The following TLK2 variants were observed in gnomAD, a reference collection of about 807,000 sequenced individuals.
The protein encoded by TLK2 is tousled like kinase 2, also known as serine/threonine-protein kinase tousled-like 2.
Under a neutral mutation model 117.3 loss-of-function variants are expected in TLK2, and 6 were observed. That is an observed-to-expected ratio of 0.05 (90% CI 0.03 to 0.10). TLK2 has a LOEUF of 0.10. Among genes scored for constraint, TLK2 ranks in the 10% least tolerant of loss-of-function variants. The probability of loss-of-function intolerance (pLI) is 1.00; values close to 1 mark genes in which losing one functional copy is unlikely to be tolerated. For missense variants in TLK2, 299 were observed against 901.2 expected (o/e 0.33, Z 8.56); for synonymous variants, 257 against 316.7 (o/e 0.81, Z 2.00).
At chr17:62,494,120 G>A (rs1415680268) in intron 2 of TLK2, among the ~76,000 whole-genome samples, 1 of 152,106 alleles carries the variant, frequency 6.6e-6, no homozygotes, top group Non-Finnish European at 1.5e-5. Flanking sequence ...GTCTCACTCT[G>A]TTGCCTAGGC....
At chr17:62,529,419 A>G (rs915665647) in intron 6 of TLK2, among the ~76,000 whole-genome samples, 2 of 152,054 alleles carry the variant, frequency 1.3e-5, no homozygotes, top group African/African-American at 4.8e-5. Context: ...TTGTATTTTT[A>G]GTTGGGTTTT....
At chr17:62,551,941 G>A in intron 7 of TLK2, 1 of 332,862 alleles carries the variant, frequency 3.0e-6, no homozygotes, top group Non-Finnish European at 5.8e-6. Context: ...CATCCCCTGT[G>A]CATTGGATGC....
Position 62,578,552 on chromosome 17 carries a change from A to G in TLK2, c.1264A>G (p.Ile422Val). 2 of 1,613,716 alleles carry G rather than the reference A, an allele frequency of 1.2e-6. No homozygotes were observed. Among genetic ancestry groups the G allele is most frequent in the Non-Finnish European group, 8.5e-7 (1 of 1,179,746 alleles). Residue 422 changes from isoleucine to valine, a missense_variant, in exon 14 of 22, where the codon ATA becomes GTA. Ile to Val is a conservative substitution (Grantham distance 29). Transcript: ENST00000346027. The stretch of plus-strand genomic sequence containing the variant: ...TCTACATATCAGGGAACTAAAAAGG[A>G]TACATAATGAAGATAATTCACAGTA... ...RNLHIRELKR[I>V]HNEDNSQFKD...
rs545551741 is a variant in TLK2 at position 62,578,469 on chromosome 17, C to T, written c.1189-8C>T. On this transcript the variant is annotated splice_region_variant and splice_polypyrimidine_tract_variant and intron_variant, in intron 13 of 21. Transcript: ENST00000346027. Reference sequence around the variant, plus strand: ...TATTTTGTGCTATTTCTTTCCTTTTCGCTTTAGGAGGAAGCAGAGATCCAG... The same window carrying T: ...TATTTTGTGCTATTTCTTTCCTTTTTGCTTTAGGAGGAAGCAGAGATCCAG... 6.8e-6 allele frequency: 11 copies of T among 1,612,378 alleles called. No individual in the cohort carries two copies. The highest frequency in any genetic ancestry group is 4.5e-5 in the East Asian group (2 of 44,818).
intron 9 of TLK2, among the ~76,000 whole-genome samples, chr17:62,559,480 C>A (rs1278805298): frequency 6.6e-6 from 1 of 151,290 alleles, no homozygotes; most frequent in African/African-American, 2.4e-5. Context: ...TGAGTTCAAG[C>A]GATTCTCCCG....
chr17:62,596,256 A>G (rs1382031695), intron 16 of TLK2, among the ~76,000 whole-genome samples: 1 of 151,904 alleles, frequency 6.6e-6, no homozygotes, highest in Non-Finnish European at 1.5e-5. Flanking sequence ...TTATATTTTT[A>G]GTAGAGACGG....
chr17:62,540,927 G>C (rs549399844), intron 7 of TLK2, among the ~76,000 whole-genome samples: 1 of 152,178 alleles, frequency 6.6e-6, no homozygotes, highest in African/African-American at 2.4e-5. Flanking sequence ...ACCCTGACAT[G>C]TTTTACTACC....
intron 2 of TLK2, among the ~76,000 whole-genome samples, chr17:62,512,208 C>T (rs7208051): frequency 0.017 from 2,386 of 143,606 alleles, 57 homozygotes; most frequent in African/African-American, 0.057. Context: ...TTTACATCAC[C>T]CCTCCTTTTT....
At chr17:62,516,601 C>G (rs1037281258) in intron 2 of TLK2, 1 of 1,610,146 alleles carries the variant, frequency 6.2e-7, no homozygotes, top group African/African-American at 1.3e-5. Context: ...TTTCACGTAG[C>G]CTCGGCACTT....
intron 2 of TLK2, among the ~76,000 whole-genome samples, chr17:62,497,088 C>T (rs974253072): frequency 5.9e-5 from 9 of 151,952 alleles, no homozygotes; most frequent in African/African-American, 2.2e-4. Context: ...GAAACCCCAT[C>T]TCTCCAAAAA....
chr17:62,605,241 C>T lies in TLK2; in HGVS notation c.1860-889C>T, dbSNP rs550292815. On this transcript the variant is annotated intron_variant, in intron 19 of 21. Coordinates refer to ENST00000346027, the MANE Select transcript of TLK2 (RefSeq NM_006852.6). ...ACTTGGGTGGCTGAGGCAGGAGAAT[C>T]GCTTGAACCTGGGAGGCAGAGGTTG... Among the ~76,000 whole-genome samples the T allele has an allele frequency of 2.6e-5, 4 of 152,258 alleles. No homozygotes were observed. The East Asian group carries it at 7.7e-4, about 29-fold the overall frequency.
chr17:62,526,547 C>G (rs2076376987), intron 6 of TLK2, among the ~76,000 whole-genome samples: 1 of 152,204 alleles, frequency 6.6e-6, no homozygotes, highest in Non-Finnish European at 1.5e-5. Context: ...CACATGGGGT[C>G]TGGTCTCCCC....
intron 15 of TLK2, among the ~76,000 whole-genome samples, chr17:62,582,946 A>G (rs2081323170): frequency 6.6e-6 from 1 of 152,224 alleles, no homozygotes; most frequent in African/African-American, 2.4e-5. Flanking sequence ...GTGCTATAGC[A>G]TGTGACAAGA....
In TLK2 at chr17:62,606,287, GCA is replaced by G. The variant is rs147744353; in HGVS notation, c.1971+59_1971+60del. ...AGAAGCTTGATCTCTTTCTTGGGTGGCACACACACACACAGTGCCTTGGTATG... is the reference window on the plus strand; with the variant it reads ...AGAAGCTTGATCTCTTTCTTGGGTGGCACACACACACAGTGCCTTGGTATG... On this transcript the variant is annotated intron_variant, in intron 20 of 21. Transcript: ENST00000346027. The G allele has an allele frequency of 5.7e-3, 6,506 of 1,150,270 alleles. 21 individuals are homozygous for G. The highest frequency in any genetic ancestry group is 0.031 in the African/African-American group (2,015 of 65,186). 71.3% of individuals were successfully genotyped at this position (1,150,270 alleles called of 1,614,324 possible).
intron 2 of TLK2, among the ~76,000 whole-genome samples, chr17:62,496,026 A>G (rs2073642507): frequency 6.6e-6 from 1 of 152,114 alleles, no homozygotes; most frequent in Admixed American, 6.6e-5. Context: ...TTTCACAGAT[A>G]TACAGTGAAA....
intron 16 of TLK2, among the ~76,000 whole-genome samples, chr17:62,594,381 C>G (rs1268790530): frequency 6.6e-6 from 1 of 152,120 alleles, no homozygotes; most frequent in Non-Finnish European, 1.5e-5. Context: ...GCACTCCAGC[C>G]TTGGCAACAG....
At chr17:62,471,888 CTTTTTTTTTT>C (rs869092720) in intron 1 of TLK2, among the ~76,000 whole-genome samples, 54 of 37,778 alleles carry the variant, frequency 1.4e-3, no homozygotes, top group Middle Eastern at 0.05. Flanking sequence ...GTAGTATAGT[CTTTTTTTTTT>C]TTTTTTTTTT....
chr17:62,474,147 T>G (rs527734346), upstream of TLK2, among the ~76,000 whole-genome samples: 1 of 151,556 alleles, frequency 6.6e-6, no homozygotes, highest in East Asian at 1.9e-4. Context: ...GGCGGGATCT[T>G]GGCTCACTGC....
rs756524702 is a variant in TLK2, at chr17:62,600,828, T to C, written c.1720+8T>C. ...ACTATGACCTCAAACCAGGTATGTC[T>C]AACTTTTAGGAGACAGTATTAGTGG... On this transcript the variant is annotated splice_region_variant and intron_variant, in intron 18 of 21. Coordinates refer to ENST00000346027, the MANE Select transcript of TLK2 (RefSeq NM_006852.6). The C allele has an allele frequency of 6.3e-7, 1 of 1,595,466 alleles. No individual in the cohort carries two copies. Among genetic ancestry groups the C allele is most frequent in the Non-Finnish European group, 8.5e-7 (1 of 1,173,536 alleles).
Sources: allele counts gnomAD v4.1 joint callset (sites outside exome capture counted in the v4.1 genomes callset), GRCh38; gene constraint gnomAD v4.1.1; transcripts MANE v1.5; gene names NCBI Gene and HGNC (gene_info 2026-07-23, HGNC 2026-07-21).